The following PBX1 variants were observed in gnomAD, a reference collection of about 807,000 sequenced individuals.
The protein encoded by PBX1 is pre-B-cell leukemia transcription factor 1.
PBX1 carries 6 observed loss-of-function variants against 53.4 expected under a neutral mutation model. The ratio of observed to expected loss-of-function variants is 0.11; its 90% CI spans 0.06 to 0.22. The LOEUF is 0.22. PBX1 is among the 10% of genes least tolerant of loss of function. PBX1 has a pLI of 1.00. For synonymous variants in PBX1, 204 were observed against 212.3 expected, an observed-to-expected ratio of 0.96 and a Z score of 0.34; for missense variants, 251 against 551.4, an observed-to-expected ratio of 0.46 and a Z score of 5.46.
intron 2 of PBX1, among the ~76,000 whole-genome samples, chr1:164,656,065 A>T (rs1043293660): frequency 6.6e-6 from 1 of 152,172 alleles, no homozygotes; most frequent in East Asian, 1.9e-4. Context: ...ATATTTTAGA[A>T]ATGATATTTT....
intron 2 of PBX1, among the ~76,000 whole-genome samples, chr1:164,705,083 G>A (rs1571254957): frequency 6.6e-6 from 1 of 152,134 alleles, no homozygotes; most frequent in South Asian, 2.1e-4. Flanking sequence ...GAGGCCAGAT[G>A]ATCCTTCATT....
rs1241401372 is a variant in PBX1, at chr1:164,559,348, G to A, written c.-475G>A. ...CGGAGTGGGGGTGGGGGGCAGCGGG[G>A]GGTGGGGGGGGAAAGTTTGCATTGC... On this transcript the variant is annotated 5_prime_UTR_variant, in exon 1 of 9. Coordinates refer to ENST00000420696, the MANE Select transcript of PBX1 (RefSeq NM_002585.4). The A allele has an allele frequency of 1.5e-5, 3 of 204,294 alleles. No individual in the cohort carries two copies. In the East Asian group the frequency reaches 2.2e-4, roughly 15 times the overall value. 12.7% of individuals were successfully genotyped at this position (204,294 alleles called of 1,614,324 possible).
At chr1:164,601,323 C>T (rs913070789) in intron 2 of PBX1, among the ~76,000 whole-genome samples, 4 of 151,312 alleles carry the variant, frequency 2.6e-5, no homozygotes, top group African/African-American at 4.9e-5. Context: ...TAGCAACCAC[C>T]TTTAGAGTCC....
At chr1:164,826,790 T>C (rs1388418273) in intron 8 of PBX1, among the ~76,000 whole-genome samples, 1 of 152,204 alleles carries the variant, frequency 6.6e-6, no homozygotes, top group Non-Finnish European at 1.5e-5. Flanking sequence ...CCCTGTGGAT[T>C]TTTCTTATTC....
intron 2 of PBX1, among the ~76,000 whole-genome samples, chr1:164,774,813 C>T (rs189552525): frequency 1.9e-4 from 29 of 152,254 alleles, no homozygotes; most frequent in African/African-American, 6.7e-4. Flanking sequence ...TTCTGTTCGT[C>T]CCCTGTAGGT....
Position 164,848,714 on chromosome 1 carries a change from CA to C in PBX1, c.*2039del, listed in dbSNP as rs1671687710. ...TGCCTTGTACATACTTGGTCCCTGT[CA>C]CATTGACTGCTTGGGAGGCTTCCAG... On this transcript the variant is annotated 3_prime_UTR_variant, in exon 9 of 9. Transcript: ENST00000420696. The C allele has an allele frequency of 9.5e-7, 1 of 1,056,750 alleles. No homozygotes were observed. The highest frequency in any genetic ancestry group is 5.2e-5 in the East Asian group (1 of 19,052). 65.5% of individuals were successfully genotyped at this position (1,056,750 alleles called of 1,614,324 possible).
chr1:164,692,649 G>A lies in PBX1; in HGVS notation c.266-99845G>A, dbSNP rs369301096. 9.3e-4 allele frequency among the ~76,000 whole-genome samples: 141 copies of A among 152,278 alleles called. 1 individual carries two copies. The highest frequency in any genetic ancestry group is 3.3e-3 in the African/African-American group (136 of 41,554). On this transcript the variant is annotated intron_variant, in intron 2 of 8. Coordinates refer to ENST00000420696, the MANE Select transcript of PBX1 (RefSeq NM_002585.4). The stretch of plus-strand genomic sequence containing the variant: ...TTATCAGTAGAGGCCAGGTGTGAGC[G>A]TGGGGAATAGGGTTAACAGGGCCAA...
intron 2 of PBX1, chr1:164,674,596 T>G (rs1023073898): frequency 2.6e-5 from 4 of 152,156 alleles, no homozygotes; most frequent in Admixed American, 2.0e-4. Context: ...GTGGGGAAAT[T>G]AATTCTGAAC....
Position 164,847,512 on chromosome 1 carries a change from G to A in PBX1, c.*836G>A. ...TTCAGCACTGAGAAAGCAATATTTA[G>A]AACCTATTGCAAAACTGGGCCTGAG... On this transcript the variant is annotated 3_prime_UTR_variant, in exon 9 of 9. Coordinates refer to ENST00000420696, the MANE Select transcript of PBX1 (RefSeq NM_002585.4). 1 of 1,061,942 alleles carries A rather than the reference G, an allele frequency of 9.4e-7. No homozygotes were observed. 65.8% of individuals were successfully genotyped at this position (1,061,942 alleles called of 1,614,324 possible). A position where few individuals can be genotyped will look rare whatever the true frequency, so the allele number is the denominator to read the frequency against.
chr1:164,849,031 GAT>G lies in PBX1; in HGVS notation c.*2356_*2357del. The G allele has an allele frequency of 8.1e-7, 1 of 1,232,614 alleles. No homozygotes were observed. Among genetic ancestry groups the G allele is most frequent in the South Asian group, 2.4e-5 (1 of 41,408 alleles). 76.4% of individuals were successfully genotyped at this position (1,232,614 alleles called of 1,614,324 possible). On this transcript the variant is annotated 3_prime_UTR_variant, in exon 9 of 9. Coordinates refer to ENST00000420696, the MANE Select transcript of PBX1 (RefSeq NM_002585.4). The stretch of plus-strand genomic sequence containing the variant: ...AGCATTTTTGTGACAACTTCATAGT[GAT>G]TAGAATCAGTGGAGAACTCCATCTT...
At chr1:164,588,737 T>C (rs1044973602) in intron 2 of PBX1, among the ~76,000 whole-genome samples, 1 of 151,854 alleles carries the variant, frequency 6.6e-6, no homozygotes, top group Non-Finnish European at 1.5e-5. Flanking sequence ...CAAAACTAGC[T>C]CTTGGCTGGC....
At chr1:164,627,386 G>T (rs756165208) in intron 2 of PBX1, among the ~76,000 whole-genome samples, 4 of 152,144 alleles carry the variant, frequency 2.6e-5, no homozygotes, top group Non-Finnish European at 4.4e-5. Context: ...TGGTACCGAT[G>T]TGTGGCCGGC....
intron 2 of PBX1, among the ~76,000 whole-genome samples, chr1:164,755,064 G>A (rs190338241): frequency 1.3e-5 from 2 of 152,284 alleles, no homozygotes; most frequent in Non-Finnish European, 1.5e-5. Context: ...TTTGATGGAA[G>A]AACAAAAGTG....
At chr1:164,570,370 CCT>C (rs1362665861) in intron 2 of PBX1, among the ~76,000 whole-genome samples, 1 of 152,110 alleles carries the variant, frequency 6.6e-6, no homozygotes, top group African/African-American at 2.4e-5. Context: ...TCCCCCACCC[CCT>C]GACAGGCCCC....
intron 2 of PBX1, among the ~76,000 whole-genome samples, chr1:164,764,644 T>C (rs562675955): frequency 1.3e-5 from 2 of 152,238 alleles, no homozygotes; most frequent in African/African-American, 2.4e-5. Flanking sequence ...AGCTGCATTT[T>C]TTCTTTTTCT....
At chr1:164,708,604 T>C (rs952571762) in intron 2 of PBX1, among the ~76,000 whole-genome samples, 3 of 152,198 alleles carry the variant, frequency 2.0e-5, no homozygotes, top group Admixed American at 6.5e-5. Context: ...TTTACGTTCA[T>C]GTATACCCAT....
chr1:164,688,362 GGA>G (rs1662252465), intron 2 of PBX1, among the ~76,000 whole-genome samples: 1 of 152,214 alleles, frequency 6.6e-6, no homozygotes, highest in Admixed American at 6.5e-5. Flanking sequence ...ACAACTTGAA[GGA>G]GAGGTTGGTG....
chr1:164,581,515 C>T (rs372019957), intron 2 of PBX1, among the ~76,000 whole-genome samples: 10 of 152,238 alleles, frequency 6.6e-5, no homozygotes, highest in Admixed American at 3.3e-4. Context: ...CATGAGCCAC[C>T]GCACCCAGCC....
At chr1:164,598,950 G>A (rs1655958107) in intron 2 of PBX1, among the ~76,000 whole-genome samples, 4 of 152,222 alleles carry the variant, frequency 2.6e-5, no homozygotes, top group African/African-American at 9.6e-5. Context: ...GTGTGGCTGA[G>A]CGTTAATTTG....
Sources: allele counts gnomAD v4.1 joint callset (sites outside exome capture counted in the v4.1 genomes callset), GRCh38; gene constraint gnomAD v4.1.1; transcripts MANE v1.5; gene names NCBI Gene and HGNC (gene_info 2026-07-23, HGNC 2026-07-21).